Variants in TMEFF2 observed in about 807,000 individuals in gnomAD.
TMEFF2 encodes the protein transmembrane protein with EGF like and two follistatin like domains 2, also known as tomoregulin-2.
In TMEFF2, 28 loss-of-function variants were observed where a neutral mutation model predicts 53.8. The ratio of observed to expected loss-of-function variants is 0.52; its 90% CI spans 0.39 to 0.71. TMEFF2 has a LOEUF of 0.71. TMEFF2 is among the 30% of genes least tolerant of loss of function. The pLI, the probability that TMEFF2 is intolerant of heterozygous loss-of-function variation, is 0.00. For missense variants in TMEFF2, 353 were observed against 455.2 expected, an observed-to-expected ratio of 0.78 and a Z score of 2.04; for synonymous variants, 162 against 166.3, an observed-to-expected ratio of 0.97 and a Z score of 0.20.
intron 4 of TMEFF2, among the ~76,000 whole-genome samples, chr2:192,105,322 T>C (rs1470974133): frequency 6.6e-6 from 1 of 151,964 alleles, no homozygotes; most frequent in African/African-American, 2.4e-5. Context: ...TAAAACCACC[T>C]ACTGAGCATA....
chr2:192,106,113 G>A (rs1296066457), intron 4 of TMEFF2, among the ~76,000 whole-genome samples: 1 of 151,596 alleles, frequency 6.6e-6, no homozygotes, highest in Admixed American at 6.6e-5. Flanking sequence ...TTTAAATACA[G>A]TAAAAAATTA....
chr2:192,069,963 A>AGTGTGT (rs1688248216), intron 4 of TMEFF2, among the ~76,000 whole-genome samples: 1 of 89,050 alleles, frequency 1.1e-5, no homozygotes, highest in African/African-American at 3.7e-5. Context: ...GATTTAGAAA[A>AGTGTGT]ATGTGTGTGT....
chr2:191,979,741 G>A (rs115869482), intron 7 of TMEFF2, among the ~76,000 whole-genome samples: 1 of 150,870 alleles, frequency 6.6e-6, no homozygotes, highest in Non-Finnish European at 1.5e-5. Flanking sequence ...TTTTTTAAAT[G>A]CCCAGTAGAG....
intron 4 of TMEFF2, chr2:192,177,169 A>G (rs1691066011): frequency 6.6e-6 from 1 of 151,176 alleles, no homozygotes; most frequent in African/African-American, 2.4e-5. Flanking sequence ...TTATTCAATC[A>G]CTTTTGCTTT....
chr2:192,148,168 C>T (rs551343947), intron 4 of TMEFF2, among the ~76,000 whole-genome samples: 2 of 152,110 alleles, frequency 1.3e-5, no homozygotes, highest in Non-Finnish European at 1.5e-5. Context: ...CTGCTCTTTT[C>T]CTCAGCAGTG....
At chr2:192,139,051 C>G (rs529157277) in intron 4 of TMEFF2, among the ~76,000 whole-genome samples, 1 of 152,226 alleles carries the variant, frequency 6.6e-6, no homozygotes, top group South Asian at 2.1e-4. Context: ...GCTTAGGGCT[C>G]TCTTTCTGAT....
intron 5 of TMEFF2, among the ~76,000 whole-genome samples, chr2:192,034,173 T>TC (rs1553515336): frequency 1.5e-5 from 1 of 65,660 alleles, no homozygotes; most frequent in Non-Finnish European, 3.3e-5. Context: ...GGACTCCATT[T>TC]CAAAAAAAAA....
chr2:192,036,052 T>C (rs1324772264), intron 5 of TMEFF2: 2 of 152,236 alleles, frequency 1.3e-5, no homozygotes, highest in Non-Finnish European at 2.9e-5. Context: ...AGACTCCAAA[T>C]ACAAGAGGAT....
rs189976006 is a variant in TMEFF2 at position 191,954,179 on chromosome 2, G to C, written c.870-342C>G. Among the ~76,000 whole-genome samples, 125 of 152,154 alleles carry C rather than the reference G, an allele frequency of 8.2e-4. 1 individual carries two copies. The highest frequency in any genetic ancestry group is 2.9e-3 in the African/African-American group (121 of 41,508). On this transcript the variant is annotated intron_variant, in intron 8 of 9. Transcript: ENST00000272771. ...TGGGATTACAGGCGTGAGCCACCGC[G>C]CCCGGCCTGCATTCATTTTTATAGT...
intron 4 of TMEFF2, among the ~76,000 whole-genome samples, chr2:192,164,652 T>C (rs1690713255): frequency 1.3e-5 from 2 of 149,840 alleles, no homozygotes; most frequent in Admixed American, 1.3e-4. Flanking sequence ...CGCTTGAACA[T>C]GGGAGGTGGA....
intron 2 of TMEFF2, among the ~76,000 whole-genome samples, chr2:192,186,977 C>T (rs1340456623): frequency 3.9e-5 from 6 of 152,142 alleles, no homozygotes; most frequent in African/African-American, 9.7e-5. Context: ...GTTCTAAAAA[C>T]AGAGCTGCCA....
chr2:192,183,400 G>A (rs188225688), intron 3 of TMEFF2, among the ~76,000 whole-genome samples: 1 of 152,096 alleles, frequency 6.6e-6, no homozygotes, highest in East Asian at 1.9e-4. Context: ...AGAAATACCT[G>A]TTATCTAAGA....
intron 7 of TMEFF2, among the ~76,000 whole-genome samples, chr2:191,997,963 C>T (rs1686262751): frequency 6.6e-6 from 1 of 151,806 alleles, no homozygotes; most frequent in South Asian, 2.1e-4. Context: ...CATTCATTTC[C>T]ATTGATGCTA....
intron 5 of TMEFF2, among the ~76,000 whole-genome samples, chr2:192,024,744 G>A (rs73982321): frequency 0.066 from 10,008 of 152,118 alleles, 499 homozygotes; most frequent in African/African-American, 0.13. Context: ...TTTATCAATC[G>A]TCCAATGACT....
At chr2:192,183,374 C>G (rs969222964) in intron 3 of TMEFF2, among the ~76,000 whole-genome samples, 13 of 151,986 alleles carry the variant, frequency 8.6e-5, no homozygotes, top group African/African-American at 3.1e-4. Flanking sequence ...TAACTTTTAA[C>G]ATCATACACT....
At chr2:191,960,427 A>T (rs1388076921) in intron 7 of TMEFF2, among the ~76,000 whole-genome samples, 1 of 152,188 alleles carries the variant, frequency 6.6e-6, no homozygotes, top group African/African-American at 2.4e-5. Flanking sequence ...TTCATTTCAG[A>T]GAATTGACTA....
At chr2:192,084,780 G>A (rs1461913390) in intron 4 of TMEFF2, among the ~76,000 whole-genome samples, 1 of 152,186 alleles carries the variant, frequency 6.6e-6, no homozygotes, top group Non-Finnish European at 1.5e-5. Context: ...TAAAATGTGA[G>A]TGGGTGTCTA....
At chr2:191,992,702 CAGT>C (rs1417985210) in intron 7 of TMEFF2, 1 of 152,128 alleles carries the variant, frequency 6.6e-6, no homozygotes, top group South Asian at 2.1e-4. Flanking sequence ...CAGGATTACT[CAGT>C]AGCAAACACT....
chr2:192,116,870 G>T (rs1487236490), intron 4 of TMEFF2, among the ~76,000 whole-genome samples: 1 of 152,034 alleles, frequency 6.6e-6, no homozygotes, highest in Non-Finnish European at 1.5e-5. Flanking sequence ...ACTTATGATT[G>T]CTGATAAGAG....
Sources: gnomAD v4.1 joint callset for allele counts (sites outside exome capture counted in the v4.1 genomes callset) on GRCh38, gnomAD v4.1.1 for gene constraint, MANE v1.5 for transcripts, NCBI Gene and HGNC (gene_info 2026-07-23, HGNC 2026-07-21) for gene names.